Variants in SKI observed in about 807,000 individuals in gnomAD.
SKI encodes SKI proto-oncogene, also known as ski oncogene.
SKI carries 23 observed loss-of-function variants against 59.3 expected under a neutral mutation model. The observed-to-expected ratio is 0.39, with a 90% CI of 0.28 to 0.55. The LOEUF is 0.55. SKI is among the 20% of genes least tolerant of loss of function. SKI has a pLI of 0.67. For synonymous variants in SKI, 673 were observed against 488.6 expected (o/e 1.38, Z -4.98); for missense variants, 1,017 against 1,038.9 (o/e 0.98, Z 0.29).
intron 1 of SKI, among the ~76,000 whole-genome samples, chr1:2,287,703 C>T (rs1640070626): frequency 6.6e-6 from 1 of 152,072 alleles, no homozygotes; most frequent in South Asian, 2.1e-4. Context: ...GTCACCTTCC[C>T]TGTGTGGGGC....
Position 2,303,738 on chromosome 1 carries a change from A to G in SKI, c.1212-102A>G. 1 of 1,451,150 alleles carries G rather than the reference A, an allele frequency of 6.9e-7. No homozygotes were observed. The highest frequency in any genetic ancestry group is 9.5e-7 in the Non-Finnish European group (1 of 1,058,074). 89.9% of individuals were successfully genotyped at this position (1,451,150 alleles called of 1,614,324 possible). A position where few individuals can be genotyped will look rare whatever the true frequency, so the allele number is the denominator to read the frequency against. Reference sequence around the variant, plus strand: ...TGACTTGAAGATTCGGAGCTGGGAAAGTCTTTCCTGTTTAACACCTTCAGA... The same window carrying G: ...TGACTTGAAGATTCGGAGCTGGGAAGGTCTTTCCTGTTTAACACCTTCAGA... On this transcript the variant is annotated intron_variant, in intron 3 of 6. Coordinates refer to ENST00000378536, the MANE Select transcript of SKI (RefSeq NM_003036.4). The surrounding 1 kb of genome is among the most constrained non-coding windows in gnomAD (Gnocchi z 5.6).
chr1:2,299,368 C>A (rs763382084), intron 1 of SKI, among the ~76,000 whole-genome samples: 17 of 152,160 alleles, frequency 1.1e-4, no homozygotes, highest in Non-Finnish European at 1.9e-4. Flanking sequence ...GCTGACGACC[C>A]GGGCTCTCGG....
At chr1:2,273,162 T>TG (rs1424949264) in intron 1 of SKI, among the ~76,000 whole-genome samples, 1 of 152,194 alleles carries the variant, frequency 6.6e-6, no homozygotes, top group Non-Finnish European at 1.5e-5. Context: ...GAGACCCACC[T>TG]GGGGGTGTCT....
chr1:2,241,554 G>A lies in SKI; in HGVS notation c.969+11819G>A, dbSNP rs185997246. On this transcript the variant is annotated intron_variant, in intron 1 of 6. Transcript: ENST00000378536. ...ACTACAGGTGCCCGCCACCGTGCCC[G>A]GCTAATTTTTTTGTGTTTTTAGTAG... 2.0e-3 allele frequency among the ~76,000 whole-genome samples: 307 copies of A among 152,196 alleles called. 1 individual carries two copies. Among genetic ancestry groups the A allele is most frequent in the African/African-American group, 6.9e-3 (287 of 41,520 alleles).
rs1242030203 is a variant in SKI at position 2,306,047 on chromosome 1, AAGG to A, written c.1798_1800del (p.Glu600del). On this transcript the variant is annotated inframe_deletion, in exon 6 of 7. Transcript: ENST00000378536. ...GCTGGAGTTCCTACGCGTGGCCAAG[AAGG>A]AGAAGCTGCGGGAGGCCACGGAGGC... 2.5e-6 allele frequency: 4 copies of A among 1,595,866 alleles called. No individual in the cohort carries two copies. The highest frequency in any genetic ancestry group is 2.7e-5 in the African/African-American group (2 of 74,792).
chr1:2,239,004 G>T (rs1638808944), intron 1 of SKI, among the ~76,000 whole-genome samples: 1 of 152,222 alleles, frequency 6.6e-6, no homozygotes, highest in African/African-American at 2.4e-5. Flanking sequence ...CACCTGCCTG[G>T]TGCTCCGGGT....
Position 2,304,346 on chromosome 1 carries a change from G to A in SKI, c.1528G>A (p.Ala510Thr), listed in dbSNP as rs61735580. 178 of 1,551,552 alleles carry A rather than the reference G, an allele frequency of 1.1e-4. No individual in the cohort carries two copies. In the African/African-American group the frequency reaches 1.7e-3, roughly 15 times the overall value. ...CCCGTCCTTTACCTCATCCAGCTCC[G>A]CCAAGGACCTGGGCTCCCCGGGTGC... ...SSPSFTSSSS[A>T]KDLGSPGARA... Residue 510 changes from alanine (A) to threonine (T), a missense_variant, in exon 5 of 7, where the codon GCC becomes ACC. Transcript: ENST00000378536.
chr1:2,306,507 G>C, intron 6 of SKI, 70 bp from the exon 7 acceptor site: 5 of 1,465,564 alleles, frequency 3.4e-6, no homozygotes, highest in Non-Finnish European at 4.6e-6. Flanking sequence ...GGAGCCTCGG[G>C]TGGGGGAAGC....
intron 1 of SKI, among the ~76,000 whole-genome samples, chr1:2,294,584 C>T (rs1452926671): frequency 1.3e-5 from 2 of 152,276 alleles, no homozygotes; most frequent in African/African-American, 2.4e-5. Context: ...TTGTCACGTC[C>T]TCCACTGAAC....
At chr1:2,275,050 C>T (rs765385007) in intron 1 of SKI, among the ~76,000 whole-genome samples, 64 of 152,188 alleles carry the variant, frequency 4.2e-4, no homozygotes, top group Non-Finnish European at 8.7e-4. Context: ...GAAGCGGCCT[C>T]ACAGGGGGTG....
chr1:2,246,814 C>T lies in SKI; in HGVS notation c.969+17079C>T, dbSNP rs756200616. On this transcript the variant is annotated intron_variant, in intron 1 of 6. Coordinates refer to ENST00000378536, the MANE Select transcript of SKI (RefSeq NM_003036.4). ...TGCTCTTCTGTGAAGGGGCACCTAC[C>T]GTGTGCCTGGCCTGTAGCAGCAGCA... Among the ~76,000 whole-genome samples the T allele has an allele frequency of 7.9e-5, 12 of 151,952 alleles. No homozygotes were observed. The East Asian group carries it at 9.8e-4, about 12-fold the overall frequency.
At chr1:2,259,687 A>C (rs1359400508) in intron 1 of SKI, among the ~76,000 whole-genome samples, 3 of 152,200 alleles carry the variant, frequency 2.0e-5, no homozygotes, top group Non-Finnish European at 4.4e-5. Flanking sequence ...CGTCACCCAG[A>C]AGCTCTCTCC....
intron 1 of SKI, among the ~76,000 whole-genome samples, chr1:2,297,900 CAGG>C (rs943330640): frequency 1.3e-5 from 2 of 152,236 alleles, no homozygotes; most frequent in East Asian, 3.9e-4. Context: ...TGCAGCCTGG[CAGG>C]AGAAGACGCT....
intron 1 of SKI, among the ~76,000 whole-genome samples, chr1:2,298,547 C>G (rs746852407): frequency 2.0e-5 from 3 of 152,184 alleles, no homozygotes; most frequent in Admixed American, 2.0e-4. Context: ...GGACCCTGCC[C>G]GGGTCCTGTT....
chr1:2,230,263 C>T (rs184021370), intron 1 of SKI, among the ~76,000 whole-genome samples: 191 of 152,334 alleles, frequency 1.3e-3, no homozygotes, highest in Admixed American at 5.9e-3. Flanking sequence ...TTGTTACTGG[C>T]TCCCGCTCCC....
chr1:2,252,941 C>A (rs1044819664), intron 1 of SKI, among the ~76,000 whole-genome samples: 10 of 151,832 alleles, frequency 6.6e-5, no homozygotes, highest in African/African-American at 2.2e-4. Flanking sequence ...ACTGAAAATA[C>A]AAAAATTAGC....
intron 1 of SKI, among the ~76,000 whole-genome samples, chr1:2,271,230 A>G (rs753337698): frequency 1.3e-5 from 2 of 152,082 alleles, no homozygotes; most frequent in African/African-American, 4.8e-5. Context: ...GCCCTGCCAC[A>G]TCCTCCCTGA....
chr1:2,285,493 T>C (rs1047399834), intron 1 of SKI, among the ~76,000 whole-genome samples: 1 of 149,628 alleles, frequency 6.7e-6, no homozygotes, highest in East Asian at 2.0e-4. Context: ...CCAGCCTGGG[T>C]GACAAAAGCA....
At chr1:2,284,583 G>A (rs926211926) in intron 1 of SKI, among the ~76,000 whole-genome samples, 23 of 152,330 alleles carry the variant, frequency 1.5e-4, no homozygotes, top group African/African-American at 4.8e-4. Context: ...AGTGGTGTGG[G>A]GGTGGTAGAA....
Sources: allele counts gnomAD v4.1 joint callset (sites outside exome capture counted in the v4.1 genomes callset), GRCh38; gene constraint gnomAD v4.1.1; non-coding constraint Gnocchi (gnomAD v3.1); transcripts MANE v1.5; gene names NCBI Gene and HGNC (gene_info 2026-07-23, HGNC 2026-07-21).